Variants in LTA4H observed in about 807,000 individuals in gnomAD.
LTA4H encodes the protein leukotriene A-4 hydrolase.
In LTA4H, 59 loss-of-function variants were observed where a neutral mutation model predicts 89.8. The observed-to-expected ratio is 0.66, with a 90% confidence interval of 0.53 to 0.82. The LOEUF (loss-of-function observed/expected upper bound fraction) is 0.82, where lower values mean the gene tolerates loss of function less well. Ranked by LOEUF, LTA4H falls within the 40% of genes least tolerant of loss-of-function variation. The probability of loss-of-function intolerance (pLI) is 0.00; values close to 1 mark genes in which losing one functional copy is unlikely to be tolerated. For missense variants in LTA4H, 617 were observed against 727.0 expected (o/e 0.85, Z 1.74); for synonymous variants, 227 against 253.1 (o/e 0.90, Z 0.98).
In LTA4H at chr12:96,022,188, G is replaced by A. The variant is rs377060348; in HGVS notation, c.544C>T (p.Pro182Ser). ...TATATTTTCCTGCTTGGGTCTTCTG[G>A]GTCAGGTGTTTCTCCATCACGAATA... ...SAIRDGETPD[P>S]EDPSRKIYKF... The change falls in exon 5 of 19, where the codon CCA (proline) becomes TCA (serine). Residue 182 changes from proline (P) to serine (S), a missense_variant. Around this residue, in one of 3 missense-constraint regions of LTA4H, gnomAD observed 172 missense variants for 244.5 expected, o/e 0.70. Coordinates refer to ENST00000228740, the MANE Select transcript of LTA4H (RefSeq NM_000895.3). The surrounding 1 kb of genome is among the most constrained non-coding windows in gnomAD (Gnocchi z 4.0). 6.2e-7 allele frequency: 1 copy of A among 1,613,676 alleles called. No homozygotes were observed. Among genetic ancestry groups the A allele is most frequent in the African/African-American group, 1.3e-5 (1 of 74,852 alleles).
chr12:96,019,352 C>G, intron 6 of LTA4H, 112 bp from the exon 7 acceptor site: 2 of 855,470 alleles, frequency 2.3e-6, no homozygotes, highest in Non-Finnish European at 3.7e-6. Flanking sequence ...GTGCATTTAC[C>G]ATGTGCCTAT....
At chr12:96,032,429 G>A (rs186539389) in intron 1 of LTA4H, among the ~76,000 whole-genome samples, 1 of 152,252 alleles carries the variant, frequency 6.6e-6, no homozygotes, top group East Asian at 1.9e-4. Flanking sequence ...TTTTCTAATT[G>A]AAATCATCCA....
chr12:96,017,602 T>A, intron 8 of LTA4H, 22 bp from the exon 9 acceptor site: 1 of 1,581,276 alleles, frequency 6.3e-7, no homozygotes, highest in Non-Finnish European at 8.7e-7. Flanking sequence ...GAAAATTACC[T>A]TAGTATTTTA....
exon 1 of LTA4H, chr12:96,043,491 C>T: frequency 3.0e-6 from 2 of 660,830 alleles, no homozygotes; most frequent in South Asian, 3.5e-5. Flanking sequence ...CCTGTAGTCC[C>T]AGCTACTCGG....
rs763151560 is a variant in LTA4H, at chr12:96,043,241, T to C, written c.87+48A>G. On this transcript the variant is annotated intron_variant, in intron 1 of 17. Transcript: ENST00000413268. ...GTGAATTGAAGGGGTAGGCAGGGACTCGACTTGAAAGAACCTCACATGCCT... is the reference window on the plus strand; with the variant it reads ...GTGAATTGAAGGGGTAGGCAGGGACCCGACTTGAAAGAACCTCACATGCCT... 11 of 1,354,964 alleles carry C rather than the reference T, an allele frequency of 8.1e-6. No individual in the cohort carries two copies. In the South Asian group the frequency reaches 1.1e-4, roughly 14 times the overall value. 83.9% of individuals were successfully genotyped at this position (1,354,964 alleles called of 1,614,324 possible).
rs146423147 is a variant in LTA4H at position 96,035,436 on chromosome 12, G to T, written c.84C>A (p.Val28=). The T allele has an allele frequency of 1.9e-6, 3 of 1,610,172 alleles. No individual in the cohort carries two copies. The highest frequency in any genetic ancestry group is 1.7e-5 in the Admixed American group (1 of 59,464). The change falls in exon 1 of 19, where the codon GTC becomes GTA. Residue 28 remains valine (V), a synonymous_variant. Transcript: ENST00000228740. ...RTKHLHLRCS[V]DFTRRTLTGT... ...CGGTCAGCGTCCGGCGAGTAAAGTC[G>T]ACGCTGCAGCGCAGGTGCAGGTGCT...
At chr12:96,038,008 T>C (rs1054782558), upstream of LTA4H, among the ~76,000 whole-genome samples, 2 of 152,064 alleles carry the variant, frequency 1.3e-5, no homozygotes. Flanking sequence ...ATTTTTTTAA[T>C]GTTTGCTTTT....
At chr12:96,034,523 A>T (rs977029721) in intron 1 of LTA4H, among the ~76,000 whole-genome samples, 8 of 152,220 alleles carry the variant, frequency 5.3e-5, no homozygotes, top group African/African-American at 1.9e-4. Context: ...ACCAACTATT[A>T]AAAAAGCGTA....
chr12:96,021,019 G>T, intron 6 of LTA4H, 66 bp downstream of exon 6: 2 of 1,261,616 alleles, frequency 1.6e-6, no homozygotes, highest in South Asian at 2.7e-5. Flanking sequence ...AATTAACCTT[G>T]AGAGAAGTTC....
chr12:96,008,154 C>T (rs1950233646), intron 15 of LTA4H, among the ~76,000 whole-genome samples: 1 of 152,154 alleles, frequency 6.6e-6, no homozygotes, highest in Non-Finnish European at 1.5e-5. Context: ...ACACAATATG[C>T]ACGTGTAACA....
At position 96,030,417 on chromosome 12, in the gene LTA4H, G is replaced by A. The variant is rs893605885; in HGVS notation, c.160-1232C>T. Among the ~76,000 whole-genome samples the A allele has an allele frequency of 5.9e-5, 9 of 152,024 alleles. No individual in the cohort carries two copies. In the East Asian group the frequency reaches 7.7e-4, roughly 13 times the overall value. On this transcript the variant is annotated intron_variant, in intron 1 of 18. Coordinates refer to ENST00000228740, the MANE Select transcript of LTA4H (RefSeq NM_000895.3). ...CCCTCCCCAGGACCTCAGTCGAATC[G>A]CCTGCTCAACATTTCCATGGGACAT... is the stretch of plus-strand genomic sequence containing the variant.
intron 3 of LTA4H, 29 bp from the exon 4 acceptor site, chr12:96,024,576 G>T (rs186511874): frequency 4.6e-5 from 65 of 1,425,848 alleles, no homozygotes; most frequent in South Asian, 3.6e-4. Context: ...AGAAGAAATA[G>T]CTATTTATCT....
At chr12:96,010,613 G>A (rs2136875170) in intron 14 of LTA4H, 1 of 152,364 alleles carries the variant, frequency 6.6e-6, no homozygotes, top group Non-Finnish European at 1.5e-5. Flanking sequence ...CTGAAGCAAA[G>A]GGAGCTAGAG....
chr12:96,013,263 G>A lies in LTA4H; in HGVS notation c.1309-5C>T, dbSNP rs745557233. ...AACTTGATTGAGAACATCAACCTATGAATAGTAAGAATTCACAGTTTACAA... is the reference window on the plus strand; with the variant it reads ...AACTTGATTGAGAACATCAACCTATAAATAGTAAGAATTCACAGTTTACAA... On this transcript the variant is annotated splice_polypyrimidine_tract_variant and splice_region_variant and intron_variant, in intron 13 of 18. Transcript: ENST00000228740. The A allele has an allele frequency of 1.7e-5, 27 of 1,602,372 alleles. No individual in the cohort carries two copies. The East Asian group carries it at 2.7e-4, about 16-fold the overall frequency.
At chr12:96,042,292 A>G (rs1950693668) in intron 1 of LTA4H, among the ~76,000 whole-genome samples, 2 of 152,160 alleles carry the variant, frequency 1.3e-5, no homozygotes, top group African/African-American at 4.8e-5. Context: ...GGCCAGGTCC[A>G]CTAACGCAGG....
chr12:96,038,634 C>A (rs1457780709), upstream of LTA4H, among the ~76,000 whole-genome samples: 1 of 151,802 alleles, frequency 6.6e-6, no homozygotes, highest in Non-Finnish European at 1.5e-5. Flanking sequence ...CTGCCTTGGC[C>A]TTCCAAAGTG....
At chr12:96,004,387 C>T (rs1454103778) in intron 16 of LTA4H, among the ~76,000 whole-genome samples, 2 of 152,178 alleles carry the variant, frequency 1.3e-5, no homozygotes, top group Non-Finnish European at 2.9e-5. Flanking sequence ...AATAGCAGTT[C>T]TTAAATGTTT....
At chr12:96,023,852 A>G (rs528414365) in intron 4 of LTA4H, among the ~76,000 whole-genome samples, 1 of 152,204 alleles carries the variant, frequency 6.6e-6, no homozygotes, top group Non-Finnish European at 1.5e-5. Context: ...TTTAAAAGTT[A>G]AGTAAAAATT....
intron 6 of LTA4H, 181 bp downstream of exon 6, chr12:96,020,904 G>A: frequency 3.7e-6 from 2 of 545,696 alleles, no homozygotes; most frequent in South Asian, 2.4e-5. Flanking sequence ...AGGGGTAACT[G>A]GTCAAGATTT....
Sources: allele counts gnomAD v4.1 joint callset (sites outside exome capture counted in the v4.1 genomes callset), GRCh38; gene constraint gnomAD v4.1.1; regional missense constraint gnomAD v4.1.1; non-coding constraint Gnocchi (gnomAD v3.1); transcripts MANE v1.5; gene names NCBI Gene and HGNC (gene_info 2026-07-23, HGNC 2026-07-21).